The following LRFN2 variants were observed in gnomAD, a reference collection of about 807,000 sequenced individuals.
The protein encoded by LRFN2 is leucine-rich repeat and fibronectin type-III domain-containing protein 2.
In LRFN2, 18 loss-of-function variants were observed where a neutral mutation model predicts 37.3. The observed-to-expected ratio is 0.48, with a 90% CI of 0.33 to 0.72. The LOEUF (loss-of-function observed/expected upper bound fraction) is 0.72. Among genes scored for constraint, LRFN2 ranks in the 30% least tolerant of loss-of-function variants. LRFN2 has a pLI of 0.02. For synonymous variants in LRFN2, 556 were observed against 466.6 expected, an observed-to-expected ratio of 1.19 and a Z score of -2.47; for missense variants, 1,006 against 1,060.7, an observed-to-expected ratio of 0.95 and a Z score of 0.72.
At chr6:40,578,599 G>C (rs1277373247) in intron 1 of LRFN2, among the ~76,000 whole-genome samples, 1 of 152,178 alleles carries the variant, frequency 6.6e-6, no homozygotes, top group African/African-American at 2.4e-5. Context: ...AGGAGTATCA[G>C]TTAAGAGGGT....
intron 1 of LRFN2, among the ~76,000 whole-genome samples, chr6:40,522,687 C>T (rs377542453): frequency 6.6e-6 from 1 of 152,176 alleles, no homozygotes; most frequent in African/African-American, 2.4e-5. Context: ...TGGCCTGCCC[C>T]CTACTCCAGA....
In LRFN2 at chr6:40,433,148, C is replaced by T. The variant is rs745874396; in HGVS notation, c.-18-17G>A. 3 of 1,512,154 alleles carry T rather than the reference C, an allele frequency of 2.0e-6. No individual in the cohort carries two copies. The highest frequency in any genetic ancestry group is 1.4e-5 in the African/African-American group (1 of 71,546). 93.7% of individuals were successfully genotyped at this position (1,512,154 alleles called of 1,614,324 possible). On this transcript the variant is annotated splice_polypyrimidine_tract_variant and intron_variant, in intron 1 of 2. Transcript: ENST00000338305. Reference sequence around the variant, plus strand: ...ACTCAGCGCCTGGAAGGGAGAAACACAAGCTCAGGGTCAGGAGGCAAATTC... The same window carrying T: ...ACTCAGCGCCTGGAAGGGAGAAACATAAGCTCAGGGTCAGGAGGCAAATTC...
intron 1 of LRFN2, among the ~76,000 whole-genome samples, chr6:40,532,009 C>T (rs1229797393): frequency 1.3e-5 from 2 of 152,240 alleles, no homozygotes; most frequent in African/African-American, 4.8e-5. Context: ...GGTGTCCGCA[C>T]AGTTCCTGCA....
chr6:40,392,620 G>A lies in LRFN2; in HGVS notation c.1693C>T (p.Pro565Ser). ...CTCACGGCCGCTGCCATCTTGCTGG[G>A]GGCCTCGTGGTTGCAGACCTTGTAG... The part of the protein sequence containing the change: ...VRYKVCNHEA[P>S]SKMAAAVSNV... Residue 565 changes from proline (P) to serine (S), a missense_variant, in exon 3 of 3, where the codon CCC becomes TCC. Coordinates refer to ENST00000338305, the MANE Select transcript of LRFN2 (RefSeq NM_020737.3). This position sits in a 1 kb window ranked among gnomAD's most constrained non-coding sequence, Gnocchi z 4.7. 1 of 1,610,870 alleles carries A rather than the reference G, an allele frequency of 6.2e-7. No homozygotes were observed. Among genetic ancestry groups the A allele is most frequent in the Non-Finnish European group, 8.5e-7 (1 of 1,179,974 alleles).
intron 1 of LRFN2, among the ~76,000 whole-genome samples, chr6:40,510,685 G>C (rs939504612): frequency 1.3e-5 from 2 of 152,234 alleles, no homozygotes; most frequent in Non-Finnish European, 2.9e-5. Flanking sequence ...AGAATGCCAG[G>C]CTGGACAACA....
chr6:40,402,145 C>T (rs545258093), intron 2 of LRFN2, among the ~76,000 whole-genome samples: 28 of 152,332 alleles, frequency 1.8e-4, no homozygotes, highest in African/African-American at 6.7e-4. Context: ...GAGTGTTGTT[C>T]CATCCTGCAT....
intron 1 of LRFN2, among the ~76,000 whole-genome samples, chr6:40,454,399 A>G (rs1764191148): frequency 6.6e-6 from 1 of 152,218 alleles, no homozygotes; most frequent in African/African-American, 2.4e-5. Flanking sequence ...TTGTAGGTAA[A>G]GAAAGGCAGA....
intron 1 of LRFN2, among the ~76,000 whole-genome samples, chr6:40,560,825 G>C (rs765417035): frequency 2.0e-5 from 3 of 152,140 alleles, no homozygotes; most frequent in Non-Finnish European, 4.4e-5. Flanking sequence ...AATGTATTTA[G>C]TAAGTTGTCA....
intron 1 of LRFN2, among the ~76,000 whole-genome samples, chr6:40,532,975 C>T (rs778200082): frequency 2.0e-5 from 3 of 152,206 alleles, no homozygotes; most frequent in Non-Finnish European, 4.4e-5. Context: ...GACAGGCTGC[C>T]TGTGGTTGTA....
intron 1 of LRFN2, among the ~76,000 whole-genome samples, chr6:40,453,713 T>C (rs1489224284): frequency 6.6e-6 from 1 of 152,208 alleles, no homozygotes; most frequent in Non-Finnish European, 1.5e-5. Context: ...CAGGAGTATT[T>C]TGAGTTTTAC....
At chr6:40,481,827 C>T (rs962313295) in intron 1 of LRFN2, among the ~76,000 whole-genome samples, 3 of 152,158 alleles carry the variant, frequency 2.0e-5, no homozygotes, top group Admixed American at 1.3e-4. Context: ...TCCCACAACC[C>T]TGTCATCCAA....
At chr6:40,482,605 C>T (rs1479810109) in intron 1 of LRFN2, among the ~76,000 whole-genome samples, 2 of 152,218 alleles carry the variant, frequency 1.3e-5, no homozygotes, top group Non-Finnish European at 2.9e-5. Context: ...TCAAAGATGT[C>T]CCTAGTCTGT....
chr6:40,463,670 A>ATTTTTTTTTTTTTTTTTT (rs66745321), intron 1 of LRFN2, among the ~76,000 whole-genome samples: 1 of 76,526 alleles, frequency 1.3e-5, no homozygotes, highest in Non-Finnish European at 2.4e-5. Context: ...CTTTCTTTCT[A>ATTTTTTTTTTTTTTTTTT]TTTTTTTTTT....
intron 1 of LRFN2, among the ~76,000 whole-genome samples, chr6:40,482,931 C>T (rs552014408): frequency 3.9e-5 from 6 of 152,190 alleles, no homozygotes; most frequent in South Asian, 2.1e-4. Flanking sequence ...GCTGTGCCCA[C>T]GCCACTGCCA....
chr6:40,477,246 T>C (rs1764730202), intron 1 of LRFN2, among the ~76,000 whole-genome samples: 1 of 152,174 alleles, frequency 6.6e-6, no homozygotes, highest in Non-Finnish European at 1.5e-5. Flanking sequence ...GGTTTTCTAA[T>C]TAGAAGTGTC....
intron 1 of LRFN2, among the ~76,000 whole-genome samples, chr6:40,556,584 T>G (rs1766884745): frequency 6.6e-6 from 1 of 151,732 alleles, no homozygotes; most frequent in Non-Finnish European, 1.5e-5. Context: ...GGATGGAAAG[T>G]TATTAGAGGG....
intron 1 of LRFN2, among the ~76,000 whole-genome samples, chr6:40,438,758 G>C (rs922278954): frequency 2.6e-5 from 4 of 152,122 alleles, no homozygotes; most frequent in Admixed American, 6.5e-5. Context: ...TGGCATTCTC[G>C]GAAGTAGAGA....
At chr6:40,548,075 G>T (rs1183560978) in intron 1 of LRFN2, among the ~76,000 whole-genome samples, 1 of 152,092 alleles carries the variant, frequency 6.6e-6, no homozygotes. Context: ...TCTAGTATTT[G>T]CCAGCCATGT....
chr6:40,576,558 C>A (rs1767282011), intron 1 of LRFN2, among the ~76,000 whole-genome samples: 1 of 152,234 alleles, frequency 6.6e-6, no homozygotes, highest in African/African-American at 2.4e-5. Context: ...TTCCCTGTAA[C>A]TCATGATCCA....
Sources: allele counts gnomAD v4.1 joint callset (sites outside exome capture counted in the v4.1 genomes callset), GRCh38; gene constraint gnomAD v4.1.1; non-coding constraint Gnocchi (gnomAD v3.1); transcripts MANE v1.5; gene names NCBI Gene and HGNC (gene_info 2026-07-23, HGNC 2026-07-21).